Variants in PACRG observed in about 807,000 individuals in gnomAD.
PACRG encodes the protein parkin coregulated gene protein.
In PACRG, 29 loss-of-function variants were observed where a neutral mutation model predicts 29.7. The ratio of observed to expected loss-of-function variants is 0.98; its 90% CI spans 0.73 to 1.33. The LOEUF (loss-of-function observed/expected upper bound fraction) is 1.33, where lower values mean the gene tolerates loss of function less well. PACRG is among the 40% of genes most tolerant of loss of function. The pLI is 0.00. For missense variants in PACRG, 279 were observed against 316.2 expected, an observed-to-expected ratio of 0.88 and a Z score of 0.89; for synonymous variants, 116 against 118.7, an observed-to-expected ratio of 0.98 and a Z score of 0.15.
intron 1 of PACRG, among the ~76,000 whole-genome samples, chr6:162,743,787 C>T (rs1044768540): frequency 6.6e-6 from 1 of 151,960 alleles, no homozygotes; most frequent in Non-Finnish European, 1.5e-5. Flanking sequence ...CAGAGTTGCA[C>T]GTATATCACC....
chr6:162,797,993 T>C (rs1370861557), intron 1 of PACRG, among the ~76,000 whole-genome samples: 7 of 152,228 alleles, frequency 4.6e-5, no homozygotes, highest in African/African-American at 1.7e-4. Context: ...TATTTGGTCA[T>C]AGTGTTTAAC....
At chr6:162,891,730 C>G (rs1179107325) in intron 2 of PACRG, among the ~76,000 whole-genome samples, 1 of 152,080 alleles carries the variant, frequency 6.6e-6, no homozygotes, top group Non-Finnish European at 1.5e-5. Context: ...GGGCTGTAGA[C>G]CATGGAAACA....
At chr6:162,765,258 C>T (rs1782689612) in intron 1 of PACRG, among the ~76,000 whole-genome samples, 1 of 151,978 alleles carries the variant, frequency 6.6e-6, no homozygotes, top group Non-Finnish European at 1.5e-5. Flanking sequence ...TGTAAGTCTG[C>T]CAATTGTAGA....
At chr6:163,313,149 T>C (rs931173337) in intron 4 of PACRG, among the ~76,000 whole-genome samples, 3 of 151,752 alleles carry the variant, frequency 2.0e-5, no homozygotes, top group Non-Finnish European at 4.4e-5. Context: ...TTTGGGATGA[T>C]CAAACTTTAA....
At chr6:162,870,037 G>T (rs775510356) in intron 2 of PACRG, among the ~76,000 whole-genome samples, 20 of 152,150 alleles carry the variant, frequency 1.3e-4, no homozygotes, top group Admixed American at 2.6e-4. Flanking sequence ...ATCTGCCCCT[G>T]GGAGATTGGG....
intron 4 of PACRG, among the ~76,000 whole-genome samples, chr6:163,254,310 T>A (rs540105302): frequency 6.6e-6 from 1 of 152,082 alleles, no homozygotes; most frequent in Non-Finnish European, 1.5e-5. Flanking sequence ...AGAAATGCGC[T>A]GATGAAGGGG....
intron 1 of PACRG, among the ~76,000 whole-genome samples, chr6:162,786,936 G>A (rs138037761): frequency 7.9e-5 from 12 of 151,998 alleles, no homozygotes; most frequent in East Asian, 5.8e-4. Flanking sequence ...CTAATATAGC[G>A]CACGATAAAC....
At chr6:163,206,585 C>T (rs978054908) in intron 4 of PACRG, among the ~76,000 whole-genome samples, 15 of 152,072 alleles carry the variant, frequency 9.9e-5, no homozygotes, top group Non-Finnish European at 2.1e-4. Flanking sequence ...GATCAAAAAT[C>T]TACTTATCAG....
intron 4 of PACRG, among the ~76,000 whole-genome samples, chr6:163,253,145 C>A (rs1367747239): frequency 2.0e-5 from 3 of 150,650 alleles, no homozygotes; most frequent in Non-Finnish European, 4.4e-5. Context: ...AAGTAAAATA[C>A]AAAAATTAGC....
rs75497939 is a variant in PACRG at position 162,900,970 on chromosome 6, T to C, written c.291+86689T>C. Among the ~76,000 whole-genome samples, 782 of 152,374 alleles carry C rather than the reference T, an allele frequency of 5.1e-3. 12 individuals carry two copies. Among genetic ancestry groups the C allele is most frequent in the African/African-American group, 0.018 (749 of 41,584 alleles). The stretch of plus-strand genomic sequence containing the variant: ...ATTCTTCAACTACGCATCCCGTCTA[T>C]CTTATTTGCTTCAGCATCTCTCATG... On this transcript the variant is annotated intron_variant, in intron 2 of 4. Transcript: ENST00000366888.
intron 1 of PACRG, among the ~76,000 whole-genome samples, chr6:162,795,734 G>A (rs1514339): frequency 0.36 from 55,308 of 152,030 alleles, 11,767 homozygotes; most frequent in African/African-American, 0.58. Flanking sequence ...TCACAAAATA[G>A]TGTGTTTTCT....
At chr6:162,891,612 G>A (rs1258639860) in intron 2 of PACRG, among the ~76,000 whole-genome samples, 2 of 152,058 alleles carry the variant, frequency 1.3e-5, no homozygotes, top group African/African-American at 4.8e-5. Flanking sequence ...ACTTCCCTTG[G>A]TAATCCCTGT....
At chr6:163,252,183 G>A (rs1782931686) in intron 4 of PACRG, among the ~76,000 whole-genome samples, 1 of 152,242 alleles carries the variant, frequency 6.6e-6, no homozygotes, top group African/African-American at 2.4e-5. Context: ...GGAGGAAGCA[G>A]AGCCAAGAGA....
intron 2 of PACRG, among the ~76,000 whole-genome samples, chr6:162,961,608 C>G (rs1476344851): frequency 1.3e-5 from 2 of 152,152 alleles, no homozygotes; most frequent in South Asian, 2.1e-4. Context: ...ACACTCCACT[C>G]CACATCTGAT....
intron 2 of PACRG, among the ~76,000 whole-genome samples, chr6:162,823,013 T>G (rs1038240301): frequency 6.6e-6 from 1 of 152,218 alleles, no homozygotes; most frequent in African/African-American, 2.4e-5. Context: ...CATTTGTTAT[T>G]ATACTGATTT....
At chr6:162,815,435 G>T (rs1189563793) in intron 2 of PACRG, among the ~76,000 whole-genome samples, 1 of 149,100 alleles carries the variant, frequency 6.7e-6, no homozygotes, top group African/African-American at 2.5e-5. Context: ...TTTTCATATT[G>T]TTATCAAACA....
At chr6:163,256,184 ATAT>A (rs1783099271) in intron 4 of PACRG, among the ~76,000 whole-genome samples, 1 of 152,154 alleles carries the variant, frequency 6.6e-6, no homozygotes, top group Admixed American at 6.5e-5. Flanking sequence ...CTAATGTGCT[ATAT>A]CTCAAAATCA....
chr6:162,886,208 C>T (rs1172995826), intron 2 of PACRG, among the ~76,000 whole-genome samples: 4 of 152,150 alleles, frequency 2.6e-5, no homozygotes, highest in African/African-American at 4.8e-5. Flanking sequence ...CAGGCATGAG[C>T]CATTGCCCCC....
rs183167935 is a variant in PACRG at position 163,169,480 on chromosome 6, G to A, written c.613+80072G>A. On this transcript the variant is annotated intron_variant, in intron 4 of 4. Transcript: ENST00000366888. ...TGGTGGTTCAGGACGAGAGGTGCGGGTTGGGAATAGCCATGGAGCTGGACG... is the reference window on the plus strand; with the variant it reads ...TGGTGGTTCAGGACGAGAGGTGCGGATTGGGAATAGCCATGGAGCTGGACG... 1.9e-3 allele frequency among the ~76,000 whole-genome samples: 294 copies of A among 152,334 alleles called. 2 individuals carry two copies. The highest frequency in any genetic ancestry group is 6.5e-3 in the African/African-American group (272 of 41,584).
Sources: allele counts gnomAD v4.1 joint callset (sites outside exome capture counted in the v4.1 genomes callset), GRCh38; gene constraint gnomAD v4.1.1; transcripts MANE v1.5; gene names NCBI Gene and HGNC (gene_info 2026-07-23, HGNC 2026-07-21).